The following SLC12A6 variants were observed in gnomAD, a reference collection of about 807,000 sequenced individuals.
SLC12A6 encodes the protein K-Cl cotransporter 3.
Under a neutral mutation model 135.3 loss-of-function variants are expected in SLC12A6, and 66 were observed. That is an observed-to-expected ratio of 0.49 (90% CI 0.40 to 0.60). The LOEUF is 0.60. Among genes scored for constraint, SLC12A6 ranks in the 20% least tolerant of loss-of-function variants. The pLI is 0.00. For missense variants in SLC12A6, 1,058 were observed against 1,452.3 expected (o/e 0.73, Z 4.41); for synonymous variants, 513 against 508.8 (o/e 1.01, Z -0.11).
chr15:34,279,596 T>A (rs886361771), intron 2 of SLC12A6, among the ~76,000 whole-genome samples: 3 of 152,206 alleles, frequency 2.0e-5, no homozygotes, highest in Non-Finnish European at 4.4e-5. Context: ...ATGTCATTGG[T>A]GAGGGCACAC....
chr15:34,262,306 C>G (rs1893191295), intron 3 of SLC12A6, among the ~76,000 whole-genome samples: 2 of 152,126 alleles, frequency 1.3e-5, no homozygotes, highest in Admixed American at 1.3e-4. Context: ...CTCCCCTATT[C>G]TGAGCCCATA....
In SLC12A6 at chr15:34,257,801, A is replaced by C; in HGVS notation, c.544-13T>G. The stretch of plus-strand genomic sequence containing the variant: ...CCATTTGGGGGGTCTAGAAAGAAAG[A>C]CATTGATAAAAAATCACACAGTTAT... On this transcript the variant is annotated splice_polypyrimidine_tract_variant and intron_variant, in intron 5 of 25. Transcript: ENST00000354181. The C allele has an allele frequency of 6.3e-7, 1 of 1,582,856 alleles. No individual in the cohort carries two copies. The highest frequency in any genetic ancestry group is 8.7e-7 in the Non-Finnish European group (1 of 1,152,624).
intron 3 of SLC12A6, among the ~76,000 whole-genome samples, chr15:34,266,721 C>T (rs1453453298): frequency 3.3e-5 from 5 of 152,158 alleles, no homozygotes; most frequent in Admixed American, 2.6e-4. Context: ...TGTGAGCCAC[C>T]GGGCCTGGCT....
chr15:34,260,891 A>G (rs1332530785), intron 4 of SLC12A6, 35 bp downstream of exon 4: 3 of 899,432 alleles, frequency 3.3e-6, no homozygotes, highest in African/African-American at 3.3e-5. Flanking sequence ...CTCTGTTCCT[A>G]AAGTCTCAGT....
intron 2 of SLC12A6, among the ~76,000 whole-genome samples, chr15:34,320,578 T>C (rs1889002498): frequency 6.6e-6 from 1 of 151,220 alleles, no homozygotes; most frequent in Non-Finnish European, 1.5e-5. Flanking sequence ...CTAGCAAGAA[T>C]ACTGGCCTTG....
Position 34,236,037 on chromosome 15 carries a change from G to C in SLC12A6, c.3205C>G (p.Gln1069Glu). The change falls in exon 24 of 26, where the codon CAG becomes GAG. Residue 1069 changes from glutamine to glutamate, a missense_variant. By Grantham distance (29) the Gln-to-Glu change is conservative (BLOSUM62 2). This residue lies in a region of SLC12A6 where 245 missense variants were observed against 440.8 expected (regional missense o/e 0.56). Coordinates refer to ENST00000354181, the MANE Select transcript of SLC12A6 (RefSeq NM_001365088.1). ...TACGGACGCATGTTAAGCAGGTCCT[G>C]GAATCCTTCCATTGACTTCGCTTTT... ...GQKAKSMEGF[Q>E]DLLNMRPDQS... 6.2e-7 allele frequency: 1 copy of C among 1,613,950 alleles called. No individual in the cohort carries two copies. The highest frequency in any genetic ancestry group is 8.5e-7 in the Non-Finnish European group (1 of 1,179,842).
chr15:34,258,748 G>T, intron 5 of SLC12A6, 65 bp downstream of exon 5: 3 of 1,325,050 alleles, frequency 2.3e-6, no homozygotes, highest in Non-Finnish European at 2.2e-6. Flanking sequence ...TGGTGCCTTA[G>T]GTATTTCCTT....
At chr15:34,285,720 T>C (rs1370468063) in intron 2 of SLC12A6, among the ~76,000 whole-genome samples, 73 of 1,358 alleles carry the variant, frequency 0.054, no homozygotes, top group South Asian at 0.29. Flanking sequence ...GTGTTTGTCA[T>C]ACATAAAATG....
chr15:34,335,962 G>A (rs1024668819), intron 2 of SLC12A6, among the ~76,000 whole-genome samples: 1 of 152,184 alleles, frequency 6.6e-6, no homozygotes, highest in African/African-American at 2.4e-5. Flanking sequence ...CGAAGTCTTG[G>A]AGGAAAGCTG....
chr15:34,269,485 T>G (rs930053412), intron 3 of SLC12A6, among the ~76,000 whole-genome samples: 1 of 152,236 alleles, frequency 6.6e-6, no homozygotes, highest in Non-Finnish European at 1.5e-5. Flanking sequence ...AAATGGCCTT[T>G]GCTAGTCTGA....
intron 24 of SLC12A6, 98 bp downstream of exon 24, chr15:34,235,917 G>A (rs1379451298): frequency 2.1e-6 from 2 of 938,864 alleles, no homozygotes; most frequent in Admixed American, 1.7e-5. Flanking sequence ...TAGATTCAGG[G>A]TGAAATGAAC....
At chr15:34,238,695 A>T in intron 20 of SLC12A6, 1 of 600,002 alleles carries the variant, frequency 1.7e-6, no homozygotes, top group Non-Finnish European at 3.0e-6. Context: ...TTCCTGTGAG[A>T]ACATCAATAT....
intron 2 of SLC12A6, among the ~76,000 whole-genome samples, chr15:34,331,638 T>C (rs7166066): frequency 0.18 from 28,141 of 152,200 alleles, 2,907 homozygotes; most frequent in East Asian, 0.33. Context: ...TTACACTAGG[T>C]GTAAATGATT....
chr15:34,252,372 C>A lies in SLC12A6; in HGVS notation c.1131G>T (p.Leu377=). 6.2e-7 allele frequency: 1 copy of A among 1,604,526 alleles called. No homozygotes were observed. Among genetic ancestry groups the A allele is most frequent in the South Asian group, 1.1e-5 (1 of 90,868 alleles). The part of the protein sequence containing the change: ...FAPPHFPVCM[L]GNRTLSSRHI... Reference sequence around the variant, plus strand: ...GTCTTGATGAAAGGGTGCGGTTACCCAGCATGCAGACCCTAAGTGAAAAGA... The same window carrying A: ...GTCTTGATGAAAGGGTGCGGTTACCAAGCATGCAGACCCTAAGTGAAAAGA... Residue 377 remains leucine, a synonymous_variant, in exon 10 of 26, where the codon CTG becomes CTT. Coordinates refer to ENST00000354181, the MANE Select transcript of SLC12A6 (RefSeq NM_001365088.1).
At chr15:34,311,566 G>A (rs937352492) in intron 2 of SLC12A6, among the ~76,000 whole-genome samples, 1 of 152,116 alleles carries the variant, frequency 6.6e-6, no homozygotes, top group African/African-American at 2.4e-5. Context: ...TGGCATCATG[G>A]TATAGTGGAG....
intron 2 of SLC12A6, among the ~76,000 whole-genome samples, chr15:34,320,642 T>C (rs995952319): frequency 4.1e-5 from 6 of 144,986 alleles, no homozygotes; most frequent in African/African-American, 1.3e-4. Flanking sequence ...CTAGGCTGGG[T>C]GAGGTGGCTC....
At chr15:34,282,404 T>C (rs1321394024) in intron 2 of SLC12A6, among the ~76,000 whole-genome samples, 1 of 152,192 alleles carries the variant, frequency 6.6e-6, no homozygotes, top group African/African-American at 2.4e-5. Context: ...TAGTGTCCTA[T>C]GATATACACT....
In SLC12A6 at chr15:34,235,262, T is replaced by C. The variant is rs761854359; in HGVS notation, c.3280A>G (p.Ile1094Val). 4 of 1,612,260 alleles carry C rather than the reference T, an allele frequency of 2.5e-6. No individual in the cohort carries two copies. The African/African-American group carries it at 5.3e-5, about 22-fold the overall frequency. Residue 1094 changes from isoleucine (I) to valine (V), a missense_variant, in exon 25 of 26, where the codon ATA (isoleucine) becomes GTA (valine). Around this residue, in one of 6 missense-constraint regions of SLC12A6, gnomAD observed 245 missense variants for 440.8 expected, o/e 0.56. Coordinates refer to ENST00000354181, the MANE Select transcript of SLC12A6 (RefSeq NM_001365088.1). ...MHTAVKLNEV[I>V]VNKSHEAKLV... ...TTTGCTTCATGGGACTTGTTAACTA[T>C]AACCTCGTTGAGTTTCACTGCTGTA...
intron 2 of SLC12A6, among the ~76,000 whole-genome samples, chr15:34,280,613 G>A (rs139836121): frequency 3.9e-4 from 60 of 152,262 alleles, no homozygotes; most frequent in African/African-American, 1.4e-3. Flanking sequence ...AGAGTATGGA[G>A]AGTACTCAAG....
Sources: gnomAD v4.1 joint callset for allele counts (sites outside exome capture counted in the v4.1 genomes callset) on GRCh38, gnomAD v4.1.1 for gene constraint, gnomAD v4.1.1 regional missense constraint, MANE v1.5 for transcripts, NCBI Gene and HGNC (gene_info 2026-07-23, HGNC 2026-07-21) for gene names.